The following ADCY1 variants were observed in gnomAD, a reference collection of about 807,000 sequenced individuals.
The protein encoded by ADCY1 is adenylate cyclase 1, also known as adenylate cyclase type 1.
ADCY1 carries 28 observed loss-of-function variants against 105.4 expected under a neutral mutation model. The ratio of observed to expected loss-of-function variants is 0.27; its 90% CI spans 0.20 to 0.36. The LOEUF (loss-of-function observed/expected upper bound fraction) is 0.36, where lower values mean the gene tolerates loss of function less well. Ranked by LOEUF, ADCY1 falls within the 10% of genes least tolerant of loss-of-function variation. The pLI, the probability that ADCY1 is intolerant of heterozygous loss-of-function variation, is 1.00. For missense variants in ADCY1, 977 were observed against 1,434.2 expected, an observed-to-expected ratio of 0.68 and a Z score of 5.15; for synonymous variants, 655 against 623.8, an observed-to-expected ratio of 1.05 and a Z score of -0.75.
rs542325236 is a variant in ADCY1, at chr7:45,705,262, G to C, written c.2817+646G>C. Among the ~76,000 whole-genome samples the C allele has an allele frequency of 8.5e-5, 13 of 152,102 alleles. No individual in the cohort carries two copies. The South Asian group carries it at 2.7e-3, about 32-fold the overall frequency. On this transcript the variant is annotated intron_variant, in intron 17 of 19. Transcript: ENST00000297323. The stretch of plus-strand genomic sequence containing the variant: ...CTGAATACCAGACCCAGACAAAGAC[G>C]TAATAGAAAAAGAAAATTACAGACC...
Position 45,698,148 on chromosome 7 carries a change from AACAC to A in ADCY1, c.2455-5224_2455-5221del, listed in dbSNP as rs1164643979. Among the ~76,000 whole-genome samples the A allele has an allele frequency of 1.5e-3, 218 of 149,998 alleles. 1 individual carries two copies. Among genetic ancestry groups the A allele is most frequent in the African/African-American group, 4.2e-3 (172 of 40,914 alleles). ...ACATGCATGTGTGCATGCACACACA[AACAC>A]ACATACTCTCTTACACACACACACA... On this transcript the variant is annotated intron_variant, in intron 14 of 19. Transcript: ENST00000297323.
intron 8 of ADCY1, chr7:45,664,201 G>A (rs528186379): frequency 8.3e-7 from 1 of 1,212,018 alleles, no homozygotes; most frequent in East Asian, 2.5e-5. Context: ...TGCACCGTTG[G>A]GCCTAGGAGA....
intron 19 of ADCY1, among the ~76,000 whole-genome samples, chr7:45,711,970 C>CATATATTAAATATATATTTAAT (rs1284620069): frequency 3.9e-5 from 4 of 102,426 alleles, no homozygotes; most frequent in Non-Finnish European, 7.2e-5. Flanking sequence ...TATATAAATA[C>CATATATTAAATATATATTTAAT]ATATTATATT....
Position 45,715,882 on chromosome 7 carries a change from G to GC in ADCY1, c.*1888dup, listed in dbSNP as rs1785348907. 6.6e-6 allele frequency: 1 copy of GC among 152,382 alleles called. No homozygotes were observed. The highest frequency in any genetic ancestry group is 2.4e-5 in the African/African-American group (1 of 41,432). The allele number at this position is 152,382 out of a possible 1,614,324, so 9.4% of individuals were successfully genotyped here. On this transcript the variant is annotated 3_prime_UTR_variant, in exon 20 of 20. Transcript: ENST00000297323. Reference sequence around the variant, plus strand: ...ATTAGGCTCTGGCTTCTGTGATGGTGCAAGAGGCAGGATGGTCTCCAGACA... The same window carrying GC: ...ATTAGGCTCTGGCTTCTGTGATGGTGCCAAGAGGCAGGATGGTCTCCAGACA...
rs1337931402 is a variant in ADCY1, at chr7:45,610,520, A to C, written c.908+23A>C. 4 of 1,598,114 alleles carry C rather than the reference A, an allele frequency of 2.5e-6. No individual in the cohort carries two copies. The South Asian group carries it at 4.4e-5, about 18-fold the overall frequency. On this transcript the variant is annotated intron_variant, in intron 3 of 19. Coordinates refer to ENST00000297323, the MANE Select transcript of ADCY1 (RefSeq NM_021116.4). Reference sequence around the variant, plus strand: ...GAGGTAGGGCTGGTGCTGACCCGGCACAGCGGGGAGCCTGGGAAGCTGAGG... The same window carrying C: ...GAGGTAGGGCTGGTGCTGACCCGGCCCAGCGGGGAGCCTGGGAAGCTGAGG...
At chr7:45,592,052 T>C (rs2115774155) in intron 1 of ADCY1, among the ~76,000 whole-genome samples, 1 of 149,932 alleles carries the variant, frequency 6.7e-6, no homozygotes, top group Middle Eastern at 3.4e-3. Context: ...TTTCGTTTTT[T>C]GTTTTTTTTT....
At position 45,575,082 on chromosome 7, in the gene ADCY1, G is replaced by T; in HGVS notation, c.539G>T (p.Arg180Leu). 6.2e-7 allele frequency: 1 copy of T among 1,612,466 alleles called. No individual in the cohort carries two copies. The highest frequency in any genetic ancestry group is 8.5e-7 in the Non-Finnish European group (1 of 1,179,836). ...GTGTCCTATGCCTTGCTGCCCGTGCGCAGCCTGCTGGCCATAGGCTTTGGG... is the reference window on the plus strand; with the variant it reads ...GTGTCCTATGCCTTGCTGCCCGTGCTCAGCCTGCTGGCCATAGGCTTTGGG... ...TFVSYALLPV[R>L]SLLAIGFGLV... Residue 180 changes from arginine (R) to leucine (L), a missense_variant, in exon 1 of 20, where the codon CGC becomes CTC. Arg to Leu is a moderately radical substitution (Grantham distance 102). Around this residue, in one of 7 missense-constraint regions of ADCY1, gnomAD observed 196 missense variants for 347.8 expected, o/e 0.56. Transcript: ENST00000297323. The surrounding 1 kb of genome is among the most constrained non-coding windows in gnomAD (Gnocchi z 4.7).
intron 7 of ADCY1, among the ~76,000 whole-genome samples, chr7:45,661,787 A>G (rs1279904847): frequency 6.6e-6 from 1 of 152,136 alleles, no homozygotes; most frequent in African/African-American, 2.4e-5. Flanking sequence ...CTTCCCCCGC[A>G]CTTTGCTTCA....
In ADCY1 at chr7:45,662,045, G is replaced by T; in HGVS notation, c.1450-14G>T. 1.2e-6 allele frequency: 2 copies of T among 1,611,300 alleles called. No homozygotes were observed. Among genetic ancestry groups the T allele is most frequent in the Non-Finnish European group, 1.7e-6 (2 of 1,178,024 alleles). Reference sequence around the variant, plus strand: ...TTCACAGCATTTCTCCTTGCCCCTTGTGTGTTTGGACAGATATTTCCAGGC... The same window carrying T: ...TTCACAGCATTTCTCCTTGCCCCTTTTGTGTTTGGACAGATATTTCCAGGC... On this transcript the variant is annotated splice_polypyrimidine_tract_variant and intron_variant, in intron 7 of 19. Coordinates refer to ENST00000297323, the MANE Select transcript of ADCY1 (RefSeq NM_021116.4).
Position 45,622,769 on chromosome 7 carries a change from G to A in ADCY1, c.1020+26G>A, listed in dbSNP as rs137893906. ...GTAAGTGCAGCGTTTTTCTTTGTTC[G>A]AATTAAATTAGAATTGCTTCTGGAG... On this transcript the variant is annotated intron_variant, in intron 4 of 19. Coordinates refer to ENST00000297323, the MANE Select transcript of ADCY1 (RefSeq NM_021116.4). 97 of 1,576,324 alleles carry A rather than the reference G, an allele frequency of 6.2e-5. No individual in the cohort carries two copies. In the East Asian group the frequency reaches 2.0e-3, roughly 33 times the overall value.
chr7:45,661,838 C>T (rs544436911), intron 7 of ADCY1, among the ~76,000 whole-genome samples: 4 of 152,156 alleles, frequency 2.6e-5, no homozygotes, highest in Non-Finnish European at 5.9e-5. Flanking sequence ...GCCTTTGGTG[C>T]GGATTGAGAA....
chr7:45,648,722 C>A lies in ADCY1; in HGVS notation c.1073C>A (p.Ser358Ter). 1 of 1,614,180 alleles carries A rather than the reference C, an allele frequency of 6.2e-7. No individual in the cohort carries two copies. Among genetic ancestry groups the A allele is most frequent in the Non-Finnish European group, 8.5e-7 (1 of 1,180,020 alleles). ...CTCGGGGACTGCTACTACTGCGTGT[C>A]GGGCCTCACCCAGCCCAAGACTGAC... Reference protein sequence around the residue: ...KILGDCYYCVSGLTQPKTDHA... With the variant: ...KILGDCYYCV Residue 358 changes from serine to a stop codon, truncating the protein, a stop_gained, in exon 5 of 20, where the codon TCG (serine) becomes TAG (stop). Coordinates refer to ENST00000297323, the MANE Select transcript of ADCY1 (RefSeq NM_021116.4). LOFTEE classifies it high-confidence loss of function.
At chr7:45,629,089 T>G (rs1203964791) in intron 4 of ADCY1, among the ~76,000 whole-genome samples, 1 of 152,248 alleles carries the variant, frequency 6.6e-6, no homozygotes, top group Non-Finnish European at 1.5e-5. Context: ...TCGCAATCCC[T>G]GTCTCCTCCC....
rs1401322034 is a variant in ADCY1 at position 45,710,643 on chromosome 7, C to A, written c.3048C>A (p.Gly1016=). The A allele has an allele frequency of 2.5e-6, 4 of 1,613,040 alleles. No homozygotes were observed. The highest frequency in any genetic ancestry group is 2.2e-5 in the East Asian group (1 of 44,870). Residue 1016 remains glycine, a synonymous_variant, in exon 19 of 20, where the codon GGC becomes GGA. Coordinates refer to ENST00000297323, the MANE Select transcript of ADCY1 (RefSeq NM_021116.4). This position sits in a 1 kb window ranked among gnomAD's most constrained non-coding sequence, Gnocchi z 4.7. ...GGATGGATAGCACAGGGGTCCAGGG[C>A]AGAATCCAGGTCAGTTCACCAAGAA... The part of the protein sequence containing the change: ...ASRMDSTGVQ[G]RIQVTEEVHR...
chr7:45,622,989 G>A (rs923552744), intron 4 of ADCY1, among the ~76,000 whole-genome samples: 5 of 152,180 alleles, frequency 3.3e-5, no homozygotes, highest in Admixed American at 1.3e-4. Flanking sequence ...CTGTCGAATC[G>A]GGGCTTCCAT....
chr7:45,687,927 T>C (rs553921083), intron 14 of ADCY1, among the ~76,000 whole-genome samples: 2 of 152,290 alleles, frequency 1.3e-5, no homozygotes, highest in African/African-American at 4.8e-5. Flanking sequence ...AGCCCAGAGT[T>C]GGGGCACAGA....
intron 1 of ADCY1, among the ~76,000 whole-genome samples, chr7:45,588,864 CGTGTATGTGTGTGTGTGTGTGTGTGT>C (rs1366321592): frequency 2.8e-5 from 4 of 142,404 alleles, no homozygotes; most frequent in African/African-American, 1.0e-4. Context: ...CCCATCATTG[CGTGTATGTGTGTGTGTGTGTGTGTGT>C]GTGTATGTGT....
chr7:45,663,495 G>A (rs540894734), intron 8 of ADCY1, among the ~76,000 whole-genome samples: 1 of 152,318 alleles, frequency 6.6e-6, no homozygotes, highest in South Asian at 2.1e-4. Context: ...TGTTGCACAA[G>A]GGCCCAGTCG....
chr7:45,592,575 G>A (rs1203962853), intron 1 of ADCY1, among the ~76,000 whole-genome samples, 184 bp from the exon 2 acceptor site: 8 of 152,148 alleles, frequency 5.3e-5, no homozygotes, highest in Admixed American at 3.9e-4. Flanking sequence ...TCTCACAGCC[G>A]CCCGGACAGG....
Sources: gnomAD v4.1 joint callset for allele counts (sites outside exome capture counted in the v4.1 genomes callset) on GRCh38, gnomAD v4.1.1 for gene constraint, gnomAD v4.1.1 regional missense constraint, Gnocchi (gnomAD v3.1) non-coding constraint, MANE v1.5 for transcripts, NCBI Gene and HGNC (gene_info 2026-07-23, HGNC 2026-07-21) for gene names.